GATA6: variants seen among roughly 807,000 people sequenced by gnomAD.
The protein encoded by GATA6 is transcription factor GATA-6.
In GATA6, 11 loss-of-function variants were observed where a neutral mutation model predicts 48.1. The ratio of observed to expected loss-of-function variants is 0.23; its 90% CI spans 0.14 to 0.38. The LOEUF (loss-of-function observed/expected upper bound fraction) is 0.38, where lower values mean the gene tolerates loss of function less well. Ranked by LOEUF, GATA6 falls within the 10% of genes least tolerant of loss-of-function variation. The probability of loss-of-function intolerance (pLI) is 1.00; values close to 1 mark genes in which losing one functional copy is unlikely to be tolerated. For synonymous variants in GATA6, 419 were observed against 396.1 expected (o/e 1.06, Z -0.69); for missense variants, 795 against 850.3 (o/e 0.93, Z 0.81).
At chr18:22,189,299 A>G (rs76051449) in intron 6 of GATA6, among the ~76,000 whole-genome samples, 5,822 of 152,274 alleles carry the variant, frequency 0.038, 237 homozygotes, top group African/African-American at 0.089. Context: ...CTCTGAAGAA[A>G]GCTTAGGCAG....
chr18:22,174,184 G>A (rs1444054035), intron 2 of GATA6, among the ~76,000 whole-genome samples: 2 of 152,316 alleles, frequency 1.3e-5, no homozygotes, highest in African/African-American at 4.8e-5. Flanking sequence ...GGGGAGTTCC[G>A]TAGGGAATGT....
At position 22,170,959 on chromosome 18, in the gene GATA6, T is replaced by C; in HGVS notation, c.-37-149T>C. The C allele has an allele frequency of 1.6e-6, 1 of 621,016 alleles. No homozygotes were observed. The highest frequency in any genetic ancestry group is 2.9e-6 in the Non-Finnish European group (1 of 348,564). 38.5% of individuals were successfully genotyped at this position (621,016 alleles called of 1,614,324 possible). A position where few individuals can be genotyped will look rare whatever the true frequency, so the allele number is the denominator to read the frequency against. ...TTGATCTCCACGCCCGGGGCAGAAA[T>C]AGGATCTTTGAGAAGTCTCAAATGG... On this transcript the variant is annotated intron_variant, in intron 1 of 6. Coordinates refer to ENST00000269216, the MANE Select transcript of GATA6 (RefSeq NM_005257.6). The surrounding 1 kb of genome is among the most constrained non-coding windows in gnomAD (Gnocchi z 6.7).
In GATA6 at chr18:22,177,039, G is replaced by A; in HGVS notation, c.1220G>A (p.Gly407Asp). The change falls in exon 3 of 7, where the codon GGC becomes GAC. Residue 407 changes from glycine to aspartate, a missense_variant. Physicochemically the swap from Gly to Asp is moderately conservative, Grantham distance 94. Coordinates refer to ENST00000269216, the MANE Select transcript of GATA6 (RefSeq NM_005257.6). Reference protein sequence around the residue: ...QTPLWRRDGTGHYLCNACGLY... With the variant: ...QTPLWRRDGTDHYLCNACGLY... ...CCGCTGTGGCGGCGGGACGGCACCG[G>A]CCACTACCTGTGCAACGCCTGCGGG... The A allele has an allele frequency of 6.3e-7, 1 of 1,577,592 alleles. No individual in the cohort carries two copies.
At chr18:22,181,951 TAA>T (rs1445630708) in intron 4 of GATA6, among the ~76,000 whole-genome samples, 1 of 152,102 alleles carries the variant, frequency 6.6e-6, no homozygotes, top group Admixed American at 6.5e-5. Flanking sequence ...AGGAAATCAA[TAA>T]AAAATGCACA....
In GATA6 at chr18:22,182,909, A is replaced by G. The variant is rs754022225; in HGVS notation, c.1517-31A>G. On this transcript the variant is annotated intron_variant, in intron 5 of 6. Coordinates refer to ENST00000269216, the MANE Select transcript of GATA6 (RefSeq NM_005257.6). ...CCAACCTTAACAGTAGAGCATATGTATATTTATAAGGTTTATTTTGACTGT... is the reference window on the plus strand; with the variant it reads ...CCAACCTTAACAGTAGAGCATATGTGTATTTATAAGGTTTATTTTGACTGT... 3 of 1,601,398 alleles carry G rather than the reference A, an allele frequency of 1.9e-6. No individual in the cohort carries two copies. In the South Asian group the frequency reaches 3.3e-5, roughly 18 times the overall value.
chr18:22,175,670 A>G (rs1329626216), intron 2 of GATA6: 12 of 152,210 alleles, frequency 7.9e-5, no homozygotes, highest in Non-Finnish European at 1.5e-4. Flanking sequence ...TGTTTTGTAA[A>G]TAGTATTAAT....
rs1444799143 is a variant in GATA6, at chr18:22,171,877, G to C, written c.733G>C (p.Gly245Arg). 3.5e-6 allele frequency: 4 copies of C among 1,151,400 alleles called. No homozygotes were observed. Among genetic ancestry groups the C allele is most frequent in the East Asian group, 8.6e-5 (2 of 23,274 alleles). 71.3% of individuals were successfully genotyped at this position (1,151,400 alleles called of 1,614,324 possible). A position where few individuals can be genotyped will look rare whatever the true frequency, so the allele number is the denominator to read the frequency against. The part of the protein sequence containing the change: ...YGSGGGAAGG[G>R]AAGPGGAGSA... ...CAGCGGAGGCGGCGCGGCTGGCGGC[G>C]GGGCCGCGGGGCCTGGCGGCGCTGG... Residue 245 changes from glycine to arginine, a missense_variant, in exon 2 of 7, where the codon GGG becomes CGG. By Grantham distance (125) the Gly-to-Arg change is moderately radical. Around this residue, in one of 5 missense-constraint regions of GATA6, gnomAD observed 591 missense variants for 570.0 expected, o/e 1.04. Transcript: ENST00000269216. This position sits in a 1 kb window ranked among gnomAD's most constrained non-coding sequence, Gnocchi z 7.1.
chr18:22,201,012 G>A lies in GATA6; in HGVS notation c.*189G>A. 1 of 766,754 alleles carries A rather than the reference G, an allele frequency of 1.3e-6. No homozygotes were observed. The highest frequency in any genetic ancestry group is 2.0e-6 in the Non-Finnish European group (1 of 488,032). The allele number at this position is 766,754 out of a possible 1,614,324, so 47.5% of individuals were successfully genotyped here. On this transcript the variant is annotated 3_prime_UTR_variant, in exon 7 of 7. Transcript: ENST00000269216. ...GAGAGAAGATGGAAGGGAAGGGCCA[G>A]TGCAACTGGGCGCTTGGGCCACTCC...
intron 2 of GATA6, chr18:22,176,596 G>T (rs534125585): frequency 1.1e-3 from 231 of 208,888 alleles, no homozygotes; most frequent in South Asian, 2.1e-3. Context: ...CTGTAATGAT[G>T]ATGGATTTCA....
In GATA6 at chr18:22,185,718, C is replaced by T. The variant is rs913462790; in HGVS notation, c.1620+2675C>T. Among the ~76,000 whole-genome samples, 4 of 152,224 alleles carry T rather than the reference C, an allele frequency of 2.6e-5. No individual in the cohort carries two copies. The highest frequency in any genetic ancestry group is 9.6e-5 in the African/African-American group (4 of 41,464). ...GCTGGCTGCCTTTGGAAGCTGTCCC[C>T]CTGTAAGAATACCTGTAGTAGGCTT... On this transcript the variant is annotated intron_variant, in intron 6 of 6. Transcript: ENST00000269216. This position sits in a 1 kb window ranked among gnomAD's most constrained non-coding sequence, Gnocchi z 4.3.
At chr18:22,197,810 T>C (rs1371349725) in intron 6 of GATA6, among the ~76,000 whole-genome samples, 2 of 152,212 alleles carry the variant, frequency 1.3e-5, no homozygotes, top group Non-Finnish European at 2.9e-5. Flanking sequence ...CTCATACTCC[T>C]GTGTGGGCTG....
chr18:22,195,336 A>G (rs887643130), intron 6 of GATA6, among the ~76,000 whole-genome samples: 2 of 152,054 alleles, frequency 1.3e-5, no homozygotes, highest in Admixed American at 1.3e-4. Context: ...CCCTCCTGTT[A>G]GTGCCTCGAC....
chr18:22,178,611 A>C (rs954551222), intron 3 of GATA6, among the ~76,000 whole-genome samples: 1 of 152,192 alleles, frequency 6.6e-6, no homozygotes, highest in Admixed American at 6.5e-5. Flanking sequence ...AAAGAGAAGC[A>C]ATTAGTTTTA....
At chr18:22,188,258 C>A (rs1031854451) in intron 6 of GATA6, among the ~76,000 whole-genome samples, 28 of 152,128 alleles carry the variant, frequency 1.8e-4, no homozygotes, top group African/African-American at 6.8e-4. Flanking sequence ...AGTGCCACAT[C>A]TGGAATTGTT....
chr18:22,188,060 G>A (rs780003975), intron 6 of GATA6, among the ~76,000 whole-genome samples: 8 of 151,384 alleles, frequency 5.3e-5, no homozygotes, highest in Non-Finnish European at 8.8e-5. Context: ...AACATAGCAA[G>A]ATTTCTGTCT....
Position 22,201,787 on chromosome 18 carries a change from A to G in GATA6, c.*964A>G, listed in dbSNP as rs2033465376. On this transcript the variant is annotated 3_prime_UTR_variant, in exon 7 of 7. Coordinates refer to ENST00000269216, the MANE Select transcript of GATA6 (RefSeq NM_005257.6). Reference sequence around the variant, plus strand: ...TGGAATATGTGCTGGAAAAATTGCAACAACACTTTACTACCTAACGGATAG... The same window carrying G: ...TGGAATATGTGCTGGAAAAATTGCAGCAACACTTTACTACCTAACGGATAG... The G allele has an allele frequency of 6.6e-6, 1 of 152,650 alleles. No homozygotes were observed. Among genetic ancestry groups the G allele is most frequent in the Admixed American group, 6.5e-5 (1 of 15,280 alleles). 9.5% of individuals were successfully genotyped at this position (152,650 alleles called of 1,614,324 possible). A position where few individuals can be genotyped will look rare whatever the true frequency, so the allele number is the denominator to read the frequency against.
chr18:22,194,819 G>A (rs2033370843), intron 6 of GATA6, among the ~76,000 whole-genome samples: 1 of 151,662 alleles, frequency 6.6e-6, no homozygotes, highest in African/African-American at 2.4e-5. Flanking sequence ...GACAAAGCCA[G>A]GCTTCTTAAG....
At position 22,198,655 on chromosome 18, in the gene GATA6, A is replaced by G. The variant is rs753400854; in HGVS notation, c.1621-2001A>G. 2.1e-4 allele frequency among the ~76,000 whole-genome samples: 32 copies of G among 152,360 alleles called. No individual in the cohort carries two copies. In the Middle Eastern group the frequency reaches 0.01, roughly 49 times the overall value. On this transcript the variant is annotated intron_variant, in intron 6 of 6. Transcript: ENST00000269216. ...AAATAAATAATTCTTTTGTAATTGA[A>G]TATCATCCTTTTGCTTATTTCTTTG...
intron 3 of GATA6, among the ~76,000 whole-genome samples, chr18:22,180,891 G>A (rs2033186010): frequency 6.6e-6 from 1 of 151,796 alleles, no homozygotes; most frequent in Non-Finnish European, 1.5e-5. Context: ...TGCATTTCAC[G>A]ACCTAAATCT....
Sources: allele counts gnomAD v4.1 joint callset (sites outside exome capture counted in the v4.1 genomes callset), GRCh38; gene constraint gnomAD v4.1.1; regional missense constraint gnomAD v4.1.1; non-coding constraint Gnocchi (gnomAD v3.1); transcripts MANE v1.5; gene names NCBI Gene and HGNC (gene_info 2026-07-23, HGNC 2026-07-21).